Variants in AFP observed in about 807,000 individuals in gnomAD.
AFP encodes alpha-fetoprotein.
AFP carries 64 observed loss-of-function variants against 78.9 expected under a neutral mutation model. The ratio of observed to expected loss-of-function variants is 0.81; its 90% CI spans 0.66 to 1.00. The LOEUF is 1.00. Ranked by LOEUF, AFP falls within the 50% of genes least tolerant of loss-of-function variation. The pLI is 0.00. For synonymous variants in AFP, 254 were observed against 243.8 expected (o/e 1.04, Z -0.39); for missense variants, 689 against 703.8 (o/e 0.98, Z 0.24).
intron 7 of AFP, among the ~76,000 whole-genome samples, chr4:73,446,577 G>A (rs1046262369): frequency 6.6e-6 from 1 of 151,616 alleles, no homozygotes; most frequent in African/African-American, 2.4e-5. Context: ...GTCAGTCACT[G>A]CAGTATGTTC....
intron 11 of AFP, 50 bp downstream of exon 11, chr4:73,450,803 T>G: frequency 1.2e-6 from 2 of 1,612,206 alleles, no homozygotes; most frequent in Non-Finnish European, 1.7e-6. Flanking sequence ...CTGTTTGACT[T>G]GAAATAGCCT....
intron 1 of AFP, among the ~76,000 whole-genome samples, chr4:73,436,947 G>A (rs2149332511): frequency 6.6e-6 from 1 of 152,024 alleles, no homozygotes; most frequent in South Asian, 2.1e-4. Flanking sequence ...TTAGTGATAG[G>A]TCTACTATAA....
intron 4 of AFP, among the ~76,000 whole-genome samples, chr4:73,441,493 T>G (rs983083774): frequency 1.9e-4 from 25 of 134,646 alleles, no homozygotes; most frequent in African/African-American, 4.5e-4. Context: ...GCGTGAACCC[T>G]GGAGGCGGAG....
chr4:73,452,957 C>A (rs1403630653), intron 12 of AFP, among the ~76,000 whole-genome samples: 1 of 152,200 alleles, frequency 6.6e-6, no homozygotes, highest in African/African-American at 2.4e-5. Context: ...TGGGTACTTC[C>A]ATTCCAAGCA....
At position 73,455,953 on chromosome 4, in the gene AFP, C is replaced by T. The variant is rs1720147218; in HGVS notation, c.*333C>T. On this transcript the variant is annotated 3_prime_UTR_variant, in exon 15 of 15. Coordinates refer to ENST00000395792, the MANE Select transcript of AFP (RefSeq NM_001134.3). ...ATCACTTGGTGAACTGAAAAATGTTCCCAAGTTAAACACTATTTGATGCTA... is the reference window on the plus strand; with the variant it reads ...ATCACTTGGTGAACTGAAAAATGTTTCCAAGTTAAACACTATTTGATGCTA... The T allele has an allele frequency of 3.1e-6, 1 of 323,178 alleles. No homozygotes were observed. Among genetic ancestry groups the T allele is most frequent in the Admixed American group, 4.9e-5 (1 of 20,278 alleles). 20.0% of individuals were successfully genotyped at this position (323,178 alleles called of 1,614,324 possible). A position where few individuals can be genotyped will look rare whatever the true frequency, so the allele number is the denominator to read the frequency against.
intron 14 of AFP, 22 bp downstream of exon 14, chr4:73,455,312 C>G (rs370858648): frequency 6.4e-7 from 1 of 1,573,250 alleles, no homozygotes; most frequent in African/African-American, 1.4e-5. Context: ...TTCAGACAAG[C>G]CTGAATACAA....
chr4:73,452,757 G>T, intron 12 of AFP, 133 bp downstream of exon 12: 10 of 783,136 alleles, frequency 1.3e-5, no homozygotes, highest in Non-Finnish European at 1.5e-5. Flanking sequence ...AAATGCCTTT[G>T]AAAATAGTTT....
chr4:73,446,786 C>T (rs1719841818), intron 7 of AFP, among the ~76,000 whole-genome samples: 1 of 152,128 alleles, frequency 6.6e-6, no homozygotes, highest in African/African-American at 2.4e-5. Flanking sequence ...CAACATGCAT[C>T]CTATTTTATT....
chr4:73,437,828 T>TG (rs1384094212), intron 2 of AFP, among the ~76,000 whole-genome samples: 2 of 151,990 alleles, frequency 1.3e-5, no homozygotes, highest in African/African-American at 4.8e-5. Context: ...TACCAATTTT[T>TG]TTTTGCTTAA....
intron 1 of AFP, among the ~76,000 whole-genome samples, chr4:73,436,818 G>A (rs183589626): frequency 1.1e-4 from 17 of 151,832 alleles, no homozygotes; most frequent in African/African-American, 3.4e-4. Context: ...ATGGCAAACC[G>A]TAGTATAACT....
chr4:73,447,790 G>A, intron 8 of AFP, 114 bp downstream of exon 8: 1 of 878,332 alleles, frequency 1.1e-6, no homozygotes, highest in Non-Finnish European at 1.8e-6. Flanking sequence ...AATATGTGAG[G>A]ATATTTGGCT....
chr4:73,441,567 C>CAAAAAA (rs35201987), intron 4 of AFP, among the ~76,000 whole-genome samples: 3 of 95,968 alleles, frequency 3.1e-5, no homozygotes, highest in Admixed American at 1.3e-4. Flanking sequence ...GACTCCGTCT[C>CAAAAAA]AAAAAAAAAA....
chr4:73,452,564 T>C lies in AFP; in HGVS notation c.1592T>C (p.Phe531Ser). Residue 531 changes from phenylalanine (F) to serine (S), a missense_variant, in exon 12 of 15, where the codon TTC (phenylalanine) becomes TCC (serine). Phe to Ser is a radical substitution (Grantham distance 155, BLOSUM62 -2). Transcript: ENST00000395792. ...CCTCCTGCATTCTCTGATGACAAGT[T>C]CATTTTCCATAAGGATCTGTGCCAA... ...YVPPAFSDDKFIFHKDLCQAQ... is the reference protein window; with the variant it reads ...YVPPAFSDDKSIFHKDLCQAQ... The C allele has an allele frequency of 6.2e-7, 1 of 1,614,078 alleles. No individual in the cohort carries two copies. Among genetic ancestry groups the C allele is most frequent in the Middle Eastern group, 1.7e-4 (1 of 6,058 alleles).
chr4:73,455,787 A>G lies in AFP; in HGVS notation c.*167A>G, dbSNP rs183515310. The stretch of plus-strand genomic sequence containing the variant: ...AATATCTCCAAATGTTTCCTTTTCC[A>G]AGTTTGCTTATTTATGAAAAGTTAT... On this transcript the variant is annotated 3_prime_UTR_variant, in exon 15 of 15. Transcript: ENST00000395792. The G allele has an allele frequency of 2.2e-4, 138 of 627,502 alleles. No homozygotes were observed. The highest frequency in any genetic ancestry group is 3.4e-4 in the Non-Finnish European group (121 of 355,768). The allele number at this position is 627,502 out of a possible 1,614,324, so 38.9% of individuals were successfully genotyped here. A position where few individuals can be genotyped will look rare whatever the true frequency, so the allele number is the denominator to read the frequency against.
chr4:73,440,089 C>T (rs1719616237), intron 3 of AFP, among the ~76,000 whole-genome samples: 1 of 151,946 alleles, frequency 6.6e-6, no homozygotes, highest in Non-Finnish European at 1.5e-5. Flanking sequence ...TGTACACGGG[C>T]AGGATGAGCA....
intron 8 of AFP, among the ~76,000 whole-genome samples, chr4:73,448,084 A>G (rs1228905500): frequency 6.6e-6 from 1 of 152,142 alleles, no homozygotes; most frequent in Non-Finnish European, 1.5e-5. Flanking sequence ...TAAAAAAAAA[A>G]CTTTTCTCCA....
rs1388694387 is a variant in AFP at position 73,452,397 on chromosome 4, C to T, written c.1429-4C>T. ...TTACTTTTTTTTCTCATTCTCCTAA[C>T]CAGGCTGACATTATTATCGGACACT... On this transcript the variant is annotated splice_polypyrimidine_tract_variant and splice_region_variant and intron_variant, in intron 11 of 14. Coordinates refer to ENST00000395792, the MANE Select transcript of AFP (RefSeq NM_001134.3). The T allele has an allele frequency of 6.2e-7, 1 of 1,613,308 alleles. No homozygotes were observed. The highest frequency in any genetic ancestry group is 8.5e-7 in the Non-Finnish European group (1 of 1,179,404).
chr4:73,438,019 C>T (rs1719557779), intron 2 of AFP, among the ~76,000 whole-genome samples, 155 bp from the exon 3 acceptor site: 1 of 151,970 alleles, frequency 6.6e-6, no homozygotes, highest in South Asian at 2.1e-4. Context: ...TCTCAGATGA[C>T]CTGGAAGCTA....
intron 7 of AFP, 62 bp downstream of exon 7, chr4:73,445,184 T>C: frequency 6.3e-7 from 1 of 1,594,316 alleles, no homozygotes; most frequent in South Asian, 1.1e-5. Flanking sequence ...TTTTGTCTCA[T>C]TCTAAAAGGG....
Sources: allele counts gnomAD v4.1 joint callset (sites outside exome capture counted in the v4.1 genomes callset), GRCh38; gene constraint gnomAD v4.1.1; transcripts MANE v1.5; gene names NCBI Gene and HGNC (gene_info 2026-07-23, HGNC 2026-07-21).